ABCG2: variants seen among roughly 807,000 people sequenced by gnomAD.
ABCG2 encodes broad substrate specificity ATP-binding cassette transporter ABCG2.
A neutral mutation model predicts 73.5 loss-of-function variants in ABCG2; 80 were observed. The observed-to-expected ratio is 1.09, with a 90% CI of 0.91 to 1.31. The LOEUF is 1.31. ABCG2 is among the 50% of genes most tolerant of loss of function. The pLI is 0.00. For synonymous variants in ABCG2, 269 were observed against 282.4 expected (o/e 0.95, Z 0.48); for missense variants, 796 against 786.2 (o/e 1.01, Z -0.15).
At chr4:88,104,947 T>TC (rs1348940709) in intron 10 of ABCG2, among the ~76,000 whole-genome samples, 3 of 152,192 alleles carry the variant, frequency 2.0e-5, no homozygotes, top group Non-Finnish European at 4.4e-5. Context: ...ACCAGGTTAC[T>TC]CCATGTCCTC....
chr4:88,189,243 G>C (rs1374345149), intron 1 of ABCG2, among the ~76,000 whole-genome samples: 1 of 152,064 alleles, frequency 6.6e-6, no homozygotes, highest in Non-Finnish European at 1.5e-5. Context: ...TTCATTGCTA[G>C]AGTATAAAAT....
At chr4:88,168,940 T>G (rs1334422162) in intron 1 of ABCG2, among the ~76,000 whole-genome samples, 2 of 152,074 alleles carry the variant, frequency 1.3e-5, no homozygotes, top group African/African-American at 4.8e-5. Context: ...GTAACATCTA[T>G]TACCATTAAA....
intron 1 of ABCG2, among the ~76,000 whole-genome samples, chr4:88,212,136 A>G (rs1263685379): frequency 6.6e-6 from 1 of 152,174 alleles, no homozygotes; most frequent in Non-Finnish European, 1.5e-5. Flanking sequence ...AAAAGTAATC[A>G]TTTGCTGGAC....
chr4:88,133,616 G>A (rs1029528333), intron 2 of ABCG2, among the ~76,000 whole-genome samples: 1 of 152,230 alleles, frequency 6.6e-6, no homozygotes, highest in Non-Finnish European at 1.5e-5. Flanking sequence ...TTATGGCAGT[G>A]TTGACTGTGC....
intron 1 of ABCG2, among the ~76,000 whole-genome samples, chr4:88,192,765 G>A (rs1487658389): frequency 6.7e-6 from 1 of 149,492 alleles, no homozygotes; most frequent in Non-Finnish European, 1.5e-5. Context: ...AGGTTGGAGT[G>A]CAGTGGCGCA....
intron 1 of ABCG2, among the ~76,000 whole-genome samples, chr4:88,199,767 A>G (rs1273878192): frequency 1.3e-5 from 2 of 152,204 alleles, no homozygotes; most frequent in East Asian, 3.8e-4. Flanking sequence ...TGGGAGGCTG[A>G]GGCGGGCGGA....
chr4:88,093,040 C>T (rs1721743642), intron 15 of ABCG2, among the ~76,000 whole-genome samples: 1 of 152,120 alleles, frequency 6.6e-6, no homozygotes, highest in Non-Finnish European at 1.5e-5. Context: ...AGGTTTAAGC[C>T]TTAAGTGGCA....
At chr4:88,160,848 C>CAAA (rs765758097), upstream of ABCG2, among the ~76,000 whole-genome samples, 185 of 37,386 alleles carry the variant, frequency 4.9e-3, 4 homozygotes, top group African/African-American at 0.014. Flanking sequence ...GACTCCATCT[C>CAAA]AAAAAAAAAA....
chr4:88,120,044 G>A (rs1412957479), intron 6 of ABCG2, among the ~76,000 whole-genome samples: 1 of 152,132 alleles, frequency 6.6e-6, no homozygotes, highest in Admixed American at 6.5e-5. Context: ...GGAAAAAATG[G>A]TTTCCTAGGC....
chr4:88,193,972 T>C (rs917138644), intron 1 of ABCG2, among the ~76,000 whole-genome samples: 2 of 152,162 alleles, frequency 1.3e-5, no homozygotes, highest in African/African-American at 4.8e-5. Context: ...CTTGAACTCC[T>C]GACCTCACAT....
intron 1 of ABCG2, among the ~76,000 whole-genome samples, 162 bp downstream of exon 1, chr4:88,158,224 A>C (rs1727083086): frequency 6.6e-6 from 1 of 152,218 alleles, no homozygotes; most frequent in South Asian, 2.1e-4. Flanking sequence ...TTGAACTGTC[A>C]GTTTTAAACT....
intron 1 of ABCG2, among the ~76,000 whole-genome samples, chr4:88,180,771 A>T (rs1236779506): frequency 6.6e-6 from 1 of 152,046 alleles, no homozygotes; most frequent in Non-Finnish European, 1.5e-5. Flanking sequence ...AGGTATAATA[A>T]ATAAGGAAAA....
chr4:88,229,055 C>T (rs1381291067), intron 1 of ABCG2, among the ~76,000 whole-genome samples: 1 of 152,232 alleles, frequency 6.6e-6, no homozygotes, highest in Non-Finnish European at 1.5e-5. Flanking sequence ...GTGGCAACCG[C>T]TTGGGTCCCC....
chr4:88,178,112 A>G (rs1402391322), intron 1 of ABCG2, among the ~76,000 whole-genome samples: 2 of 152,206 alleles, frequency 1.3e-5, no homozygotes, highest in African/African-American at 4.8e-5. Context: ...GAGTGCTTGC[A>G]CCAACCCTTA....
intron 1 of ABCG2, among the ~76,000 whole-genome samples, chr4:88,171,635 C>T (rs1178241740): frequency 6.6e-6 from 1 of 151,168 alleles, no homozygotes; most frequent in African/African-American, 2.4e-5. Context: ...ATTATAATAT[C>T]CAAAGTCTTT....
At chr4:88,168,560 G>GA (rs377316378) in intron 1 of ABCG2, among the ~76,000 whole-genome samples, 6,232 of 140,600 alleles carry the variant, frequency 0.044, 185 homozygotes, top group Middle Eastern at 0.066. Flanking sequence ...AGACTGCAGT[G>GA]AAAAAAAAAA....
intron 1 of ABCG2, among the ~76,000 whole-genome samples, chr4:88,217,973 TAAA>T (rs34088003): frequency 0.011 from 1,588 of 139,686 alleles, 12 homozygotes; most frequent in Middle Eastern, 0.022. Context: ...TTCTAAAAAT[TAAA>T]AAAAAAAAAA....
chr4:88,178,287 T>C (rs543693896), intron 1 of ABCG2, among the ~76,000 whole-genome samples: 1 of 152,130 alleles, frequency 6.6e-6, no homozygotes, highest in Non-Finnish European at 1.5e-5. Flanking sequence ...AGCTCTTGGA[T>C]AGCATTTCTA....
intron 1 of ABCG2, chr4:88,226,878 G>C (rs1730237281): frequency 6.6e-6 from 1 of 152,332 alleles, no homozygotes; most frequent in Non-Finnish European, 1.5e-5. Context: ...CTGGGAGACT[G>C]AGGTGGGAGA....
Sources: gnomAD v4.1 joint callset for allele counts (sites outside exome capture counted in the v4.1 genomes callset) on GRCh38, gnomAD v4.1.1 for gene constraint, MANE v1.5 for transcripts, NCBI Gene and HGNC (gene_info 2026-07-23, HGNC 2026-07-21) for gene names.